WDPCP: variants seen among roughly 807,000 people sequenced by gnomAD.
The protein encoded by WDPCP is WD repeat containing planar cell polarity effector, also known as WD repeat-containing and planar cell polarity effector protein fritz homolog.
A neutral mutation model predicts 93.1 loss-of-function variants in WDPCP; 71 were observed. The observed-to-expected ratio is 0.76, with a 90% confidence interval of 0.63 to 0.93. The LOEUF (loss-of-function observed/expected upper bound fraction) is 0.93. Ranked by LOEUF, WDPCP falls within the 40% of genes least tolerant of loss-of-function variation. The pLI is 0.00. For missense variants in WDPCP, 844 were observed against 887.4 expected (o/e 0.95, Z 0.62); for synonymous variants, 315 against 315.0 (o/e 1.00, Z 0.00).
At chr2:63,222,221 TAAG>T (rs1288332882) in intron 14 of WDPCP, among the ~76,000 whole-genome samples, 1 of 152,210 alleles carries the variant, frequency 6.6e-6, no homozygotes, top group Non-Finnish European at 1.5e-5. Context: ...TTTATGGACT[TAAG>T]AACATCACCA....
chr2:63,671,630 C>T (rs914284093), intron 2 of WDPCP, among the ~76,000 whole-genome samples: 3 of 152,048 alleles, frequency 2.0e-5, no homozygotes, highest in African/African-American at 7.2e-5. Flanking sequence ...TCACTGCAAC[C>T]TCCACCTCCC....
intron 1 of WDPCP, among the ~76,000 whole-genome samples, chr2:63,538,507 G>A (rs191428790): frequency 6.6e-6 from 1 of 152,206 alleles, no homozygotes; most frequent in Admixed American, 6.5e-5. Flanking sequence ...CACATTCTAT[G>A]GGAGAGAAAT....
intron 1 of WDPCP, among the ~76,000 whole-genome samples, chr2:63,542,960 A>T (rs1704856257): frequency 1.3e-5 from 2 of 152,254 alleles, no homozygotes; most frequent in African/African-American, 4.8e-5. Flanking sequence ...ATTTATTCAT[A>T]AGCAATGAAA....
At chr2:63,509,418 G>C (rs1158960115) in intron 1 of WDPCP, among the ~76,000 whole-genome samples, 1 of 152,086 alleles carries the variant, frequency 6.6e-6, no homozygotes, top group Admixed American at 6.5e-5. Context: ...AGAATCTCTG[G>C]GACACAGCTA....
intron 14 of WDPCP, among the ~76,000 whole-genome samples, chr2:63,201,608 G>A (rs900223459): frequency 6.6e-6 from 1 of 152,048 alleles, no homozygotes; most frequent in Non-Finnish European, 1.5e-5. Flanking sequence ...AAGAACCACA[G>A]GTAATCTGAT....
chr2:63,573,740 GC>G (rs1446875579), intron 1 of WDPCP, among the ~76,000 whole-genome samples: 1 of 152,196 alleles, frequency 6.6e-6, no homozygotes, highest in Non-Finnish European at 1.5e-5. Context: ...CCGCCAGTGA[GC>G]CAGATGGAAC....
chr2:63,442,687 A>T (rs1470559538), intron 6 of WDPCP: 1 of 152,202 alleles, frequency 6.6e-6, no homozygotes, highest in East Asian at 1.9e-4. Flanking sequence ...CAAGGATATT[A>T]TCTCCAAAAT....
intron 12 of WDPCP, among the ~76,000 whole-genome samples, chr2:63,345,189 G>A (rs899150258): frequency 5.9e-5 from 9 of 152,106 alleles, no homozygotes; most frequent in African/African-American, 1.9e-4. Context: ...CTATTACACA[G>A]AAAATTTACT....
chr2:63,160,162 G>A (rs959560113), intron 15 of WDPCP, among the ~76,000 whole-genome samples: 4 of 152,104 alleles, frequency 2.6e-5, no homozygotes, highest in Admixed American at 2.0e-4. Flanking sequence ...AGGATTTTTA[G>A]CTGCATTCAA....
At chr2:63,251,386 T>C (rs1194117503) in intron 14 of WDPCP, among the ~76,000 whole-genome samples, 1 of 151,134 alleles carries the variant, frequency 6.6e-6, no homozygotes, top group African/African-American at 2.4e-5. Context: ...GATAAATTCC[T>C]GGAAACACAC....
At chr2:63,675,970 G>A (rs963593104) in intron 2 of WDPCP, among the ~76,000 whole-genome samples, 2 of 152,128 alleles carry the variant, frequency 1.3e-5, no homozygotes, top group Non-Finnish European at 2.9e-5. Context: ...CTTCCTCATA[G>A]TTTACGATTA....
intron 12 of WDPCP, among the ~76,000 whole-genome samples, chr2:63,321,046 A>T (rs889255712): frequency 3.3e-5 from 5 of 152,130 alleles, no homozygotes; most frequent in African/African-American, 2.4e-5. Flanking sequence ...TTTAAAAAAC[A>T]GTATTAAAGG....
chr2:63,162,238 C>CAA (rs892963154), intron 15 of WDPCP, among the ~76,000 whole-genome samples: 1 of 149,612 alleles, frequency 6.7e-6, no homozygotes, highest in Non-Finnish European at 1.5e-5. Context: ...TTTTTTTTTT[C>CAA]AAAAAATATT....
At chr2:63,475,318 T>A (rs565260137) in intron 6 of WDPCP, among the ~76,000 whole-genome samples, 1 of 152,036 alleles carries the variant, frequency 6.6e-6, no homozygotes, top group African/African-American at 2.4e-5. Flanking sequence ...CCTTTCTCTT[T>A]CTGCTTGCCT....
chr2:63,438,360 C>G (rs957662327), intron 7 of WDPCP, among the ~76,000 whole-genome samples: 1 of 152,026 alleles, frequency 6.6e-6, no homozygotes, highest in African/African-American at 2.4e-5. Context: ...ACAAGAGAAT[C>G]TGGAGAACTG....
intron 1 of WDPCP, among the ~76,000 whole-genome samples, chr2:63,567,181 A>T (rs1031097432): frequency 2.6e-5 from 4 of 152,242 alleles, no homozygotes; most frequent in Non-Finnish European, 5.9e-5. Flanking sequence ...ATCTCTGGAC[A>T]TTGCTGACTG....
chr2:63,798,308 A>C (rs1317014250), intron 2 of WDPCP, among the ~76,000 whole-genome samples: 1 of 152,208 alleles, frequency 6.6e-6, no homozygotes, highest in African/African-American at 2.4e-5. Flanking sequence ...TGTGTAAACT[A>C]CTCTTAAGTA....
chr2:63,161,882 G>A (rs1290767150), intron 15 of WDPCP, among the ~76,000 whole-genome samples: 1 of 151,876 alleles, frequency 6.6e-6, no homozygotes, highest in Admixed American at 6.6e-5. Flanking sequence ...TCCTGCCTCG[G>A]CCTCCTGAGT....
intron 17 of WDPCP, among the ~76,000 whole-genome samples, chr2:63,126,156 ACTC>A (rs1669887539): frequency 6.7e-6 from 1 of 149,228 alleles, no homozygotes; most frequent in African/African-American, 2.5e-5. Flanking sequence ...CTGGTCTTGA[ACTC>A]CTGGCCTCAA....
Sources: allele counts gnomAD v4.1 joint callset (sites outside exome capture counted in the v4.1 genomes callset), GRCh38; gene constraint gnomAD v4.1.1; transcripts MANE v1.5; gene names NCBI Gene and HGNC (gene_info 2026-07-23, HGNC 2026-07-21).